SUPT6H: variants seen among roughly 807,000 people sequenced by gnomAD.
SUPT6H encodes the protein SPT6 homolog, histone chaperone and transcription elongation factor.
In SUPT6H, 11 loss-of-function variants were observed where a neutral mutation model predicts 222.3. The ratio of observed to expected loss-of-function variants is 0.05; its 90% CI spans 0.03 to 0.08. The LOEUF (loss-of-function observed/expected upper bound fraction) is 0.08. Ranked by LOEUF, SUPT6H falls within the 10% of genes least tolerant of loss-of-function variation. The pLI is 1.00. For synonymous variants in SUPT6H, 762 were observed against 801.2 expected, an observed-to-expected ratio of 0.95 and a Z score of 0.83; for missense variants, 1,422 against 2,216.0, an observed-to-expected ratio of 0.64 and a Z score of 7.19.
intron 27 of SUPT6H, among the ~76,000 whole-genome samples, chr17:28,692,499 G>A (rs1350910273): frequency 6.8e-6 from 1 of 146,366 alleles, no homozygotes; most frequent in African/African-American, 2.6e-5. Flanking sequence ...AGGGTGTGGT[G>A]GTGAGACTCC....
Position 28,697,681 on chromosome 17 carries a change from G to A in SUPT6H, c.4271G>A (p.Arg1424Gln), listed in dbSNP as rs771153866. The A allele has an allele frequency of 3.1e-6, 5 of 1,614,050 alleles. No individual in the cohort carries two copies. The highest frequency in any genetic ancestry group is 1.6e-4 in the Middle Eastern group (1 of 6,084). Residue 1424 changes from arginine to glutamine, a missense_variant, in exon 31 of 37, where the codon CGG becomes CAG. By Grantham distance (43) the Arg-to-Gln change is conservative. This residue lies in a region of SUPT6H where 395 missense variants were observed against 580.6 expected (regional missense o/e 0.68). Transcript: ENST00000314616. ...RYVQPMASFA[R>Q]DLLNHKYYQD... ...GTCCAGCCCATGGCATCCTTTGCCC[G>A]GGACCTTCTGAATCACAAGTATTAT...
intron 15 of SUPT6H, 55 bp downstream of exon 15, chr17:28,683,147 G>A (rs2031203837): frequency 1.4e-5 from 22 of 1,561,468 alleles, no homozygotes; most frequent in Middle Eastern, 1.7e-4. Context: ...TTCTTTGATT[G>A]CCTGAGTTTC....
intron 31 of SUPT6H, 72 bp from the exon 32 acceptor site, chr17:28,697,834 A>C: frequency 3.1e-6 from 5 of 1,607,696 alleles, no homozygotes; most frequent in Non-Finnish European, 4.3e-6. Flanking sequence ...GGAAGTGTAC[A>C]TCATGTGTGC....
chr17:28,700,015 C>G, intron 33 of SUPT6H, 122 bp downstream of exon 33: 1 of 1,370,882 alleles, frequency 7.3e-7, no homozygotes, highest in East Asian at 2.3e-5. Context: ...TGTCTTACTC[C>G]TCCTGCAGCC....
rs1227545334 is a variant in SUPT6H, at chr17:28,680,634, T to C, written c.1350-622T>C. Among the ~76,000 whole-genome samples, 7 of 152,068 alleles carry C rather than the reference T, an allele frequency of 4.6e-5. No individual in the cohort carries two copies. The East Asian group carries it at 1.4e-3, about 29-fold the overall frequency. ...AATACGATATGTTCTAGGGCTATCA[T>C]GTGTCTTGGTTTTGTTTTTGTTTTT... On this transcript the variant is annotated intron_variant, in intron 11 of 36. Transcript: ENST00000314616.
At position 28,693,687 on chromosome 17, in the gene SUPT6H, C is replaced by T. The variant is rs772099648; in HGVS notation, c.3634-9C>T. ...GATAATCAAGCTCTTCTCCTCATGC[C>T]CTCTTCAGGTGTGGAACCACTTTGA... On this transcript the variant is annotated splice_polypyrimidine_tract_variant and intron_variant, in intron 27 of 36. Transcript: ENST00000314616. 13 of 1,613,954 alleles carry T rather than the reference C, an allele frequency of 8.1e-6. No individual in the cohort carries two copies. The highest frequency in any genetic ancestry group is 1.3e-5 in the African/African-American group (1 of 74,892).
chr17:28,667,433 A>ATATATATG (rs1325898517), intron 1 of SUPT6H, among the ~76,000 whole-genome samples: 3 of 134,916 alleles, frequency 2.2e-5, no homozygotes, highest in Non-Finnish European at 4.7e-5. Context: ...ATATATATAT[A>ATATATATG]TATGTATGTG....
chr17:28,682,046 G>A, intron 13 of SUPT6H, 66 bp downstream of exon 13: 1 of 1,348,642 alleles, frequency 7.4e-7, no homozygotes, highest in Non-Finnish European at 1.0e-6. Flanking sequence ...CCAGAAAAAA[G>A]ACTGGTAGGT....
chr17:28,684,841 C>G lies in SUPT6H; in HGVS notation c.2370-3C>G. 1 of 1,614,144 alleles carries G rather than the reference C, an allele frequency of 6.2e-7. No individual in the cohort carries two copies. The highest frequency in any genetic ancestry group is 8.5e-7 in the Non-Finnish European group (1 of 1,180,010). The stretch of plus-strand genomic sequence containing the variant: ...CATTCTTGTTTTTCTGTCTGTCTGG[C>G]AGAGATCACCCTGTGTTCTGCGCCC... On this transcript the variant is annotated splice_polypyrimidine_tract_variant and splice_region_variant and intron_variant, in intron 18 of 36. Transcript: ENST00000314616.
chr17:28,681,010 G>T (rs150043334), intron 11 of SUPT6H: 27 of 450,550 alleles, frequency 6.0e-5, no homozygotes, highest in African/African-American at 5.5e-4. Flanking sequence ...GAGAGCAGTG[G>T]TGTGGTCACA....
intron 28 of SUPT6H, 191 bp from the exon 29 acceptor site, chr17:28,695,161 G>T: frequency 1.7e-6 from 1 of 595,684 alleles, no homozygotes; most frequent in Non-Finnish European, 3.0e-6. Flanking sequence ...TTAGTGCAGG[G>T]CTTGGCCTGT....
At chr17:28,664,195 T>G (rs766433641) in intron 1 of SUPT6H, among the ~76,000 whole-genome samples, 1 of 152,148 alleles carries the variant, frequency 6.6e-6, no homozygotes, top group African/African-American at 2.4e-5. Flanking sequence ...TGCTAGCAAC[T>G]TTTGCTCTCT....
intron 1 of SUPT6H, among the ~76,000 whole-genome samples, chr17:28,666,111 C>G (rs1237920475): frequency 6.6e-6 from 1 of 152,196 alleles, no homozygotes; most frequent in Non-Finnish European, 1.5e-5. Context: ...TGACATCACT[C>G]CCCAAACCAT....
chr17:28,687,939 T>C, intron 23 of SUPT6H, 152 bp from the exon 24 acceptor site: 2 of 847,080 alleles, frequency 2.4e-6, no homozygotes, highest in Non-Finnish European at 3.2e-6. Context: ...TTTTTTTTTT[T>C]TTTAATTTTG....
At chr17:28,683,576 A>G in intron 16 of SUPT6H, 45 bp from the exon 17 acceptor site, 3 of 1,599,692 alleles carry the variant, frequency 1.9e-6, no homozygotes, top group Non-Finnish European at 2.6e-6. Flanking sequence ...ATTGGGTGTC[A>G]CCTTTTCTCC....
rs1457006465 is a variant in SUPT6H, at chr17:28,689,389, G to A, written c.3170G>A (p.Arg1057His). 2 of 1,614,132 alleles carry A rather than the reference G, an allele frequency of 1.2e-6. No homozygotes were observed. The highest frequency in any genetic ancestry group is 8.5e-7 in the Non-Finnish European group (1 of 1,180,038). ...TATATTGAAGTCCTTGATGGTTCCCGTGTCCACCCTGAGACTTATGAGTGG... is the reference window on the plus strand; with the variant it reads ...TATATTGAAGTCCTTGATGGTTCCCATGTCCACCCTGAGACTTATGAGTGG... ...DSYIEVLDGS[R>H]VHPETYEWAR... The change falls in exon 25 of 37, where the codon CGT (arginine) becomes CAT (histidine). Residue 1057 changes from arginine to histidine, a missense_variant. Arg to His is a conservative substitution (Grantham distance 29, BLOSUM62 0). Coordinates refer to ENST00000314616, the MANE Select transcript of SUPT6H (RefSeq NM_003170.5).
intron 1 of SUPT6H, among the ~76,000 whole-genome samples, chr17:28,663,661 TC>T (rs2072108189): frequency 6.6e-6 from 1 of 151,970 alleles, no homozygotes; most frequent in Admixed American, 6.6e-5. Context: ...CTGAAACTGT[TC>T]CCATCAGCAT....
At chr17:28,699,967 C>A in intron 33 of SUPT6H, 74 bp downstream of exon 33, 1 of 1,464,546 alleles carries the variant, frequency 6.8e-7, no homozygotes, top group Non-Finnish European at 9.6e-7. Flanking sequence ...GTAGTCCCAG[C>A]CTAGGGGACC....
Position 28,701,478 on chromosome 17 carries a change from G to A in SUPT6H, c.5034G>A (p.Ala1678=), listed in dbSNP as rs117706030. ...SHAAIDWGKM[A]EQWLQEKEAE... ...CAGCCATCGACTGGGGAAAAATGGC[G>A]GAGCAGTGGCTGCAGGAAAAGGAGG... is the stretch of plus-strand genomic sequence containing the variant. Residue 1678 remains alanine, a synonymous_variant, in exon 37 of 37, where the codon GCG becomes GCA. Coordinates refer to ENST00000314616, the MANE Select transcript of SUPT6H (RefSeq NM_003170.5). 65 of 1,614,164 alleles carry A rather than the reference G, an allele frequency of 4.0e-5. No individual in the cohort carries two copies. The highest frequency in any genetic ancestry group is 4.0e-4 in the African/African-American group (30 of 75,046).
Sources: gnomAD v4.1 joint callset for allele counts (sites outside exome capture counted in the v4.1 genomes callset) on GRCh38, gnomAD v4.1.1 for gene constraint, gnomAD v4.1.1 regional missense constraint, MANE v1.5 for transcripts, NCBI Gene and HGNC (gene_info 2026-07-23, HGNC 2026-07-21) for gene names.